The following RBFOX1 variants were observed in gnomAD, a reference collection of about 807,000 sequenced individuals.
RBFOX1 encodes RNA binding protein fox-1 homolog 1.
Under a neutral mutation model 57.7 loss-of-function variants are expected in RBFOX1, and 8 were observed. The ratio of observed to expected loss-of-function variants is 0.14; its 90% CI spans 0.08 to 0.25. RBFOX1 has a LOEUF of 0.25. Ranked by LOEUF, RBFOX1 falls within the 10% of genes least tolerant of loss-of-function variation. The pLI is 1.00. For missense variants in RBFOX1, 611 were observed against 548.5 expected (o/e 1.11, Z -1.14); for synonymous variants, 326 against 222.4 (o/e 1.47, Z -4.15).
chr16:6,613,213 C>T (rs2098092578), intron 2 of RBFOX1, among the ~76,000 whole-genome samples: 1 of 152,070 alleles, frequency 6.6e-6, no homozygotes, highest in Admixed American at 6.6e-5. Flanking sequence ...CAAGCAGCTC[C>T]CCCACTGTGC....
intron 3 of RBFOX1, chr16:7,004,042 C>G (rs931210925): frequency 1.4e-5 from 2 of 145,822 alleles, no homozygotes; most frequent in Admixed American, 1.4e-4. Context: ...TGCGTGCCAT[C>G]TTTGCACAGG....
intron 3 of RBFOX1, among the ~76,000 whole-genome samples, chr16:5,649,017 T>C (rs72633290): frequency 0.3 from 45,497 of 151,684 alleles, 7,991 homozygotes; most frequent in East Asian, 0.85. Flanking sequence ...TAAGTAGAGA[T>C]TGTGCCACTG....
At chr16:7,524,670 G>A (rs2078279668) in intron 5 of RBFOX1, among the ~76,000 whole-genome samples, 1 of 152,214 alleles carries the variant, frequency 6.6e-6, no homozygotes, top group Non-Finnish European at 1.5e-5. Flanking sequence ...TGAGCTGGAG[G>A]CTCTACTGAC....
At chr16:6,539,943 A>G (rs2096790197) in intron 2 of RBFOX1, among the ~76,000 whole-genome samples, 1 of 152,158 alleles carries the variant, frequency 6.6e-6, no homozygotes, top group Non-Finnish European at 1.5e-5. Flanking sequence ...GGTTTTCCCC[A>G]CAGATAGCCA....
intron 3 of RBFOX1, among the ~76,000 whole-genome samples, chr16:5,710,639 A>C (rs1053266290): frequency 3.3e-5 from 5 of 152,140 alleles, no homozygotes; most frequent in Admixed American, 1.3e-4. Flanking sequence ...GGATGTTTTA[A>C]AGAATTGCGT....
intron 1 of RBFOX1, among the ~76,000 whole-genome samples, chr16:6,309,158 T>C (rs984839064): frequency 1.3e-5 from 2 of 152,096 alleles, no homozygotes; most frequent in East Asian, 3.9e-4. Context: ...AGAAATAATA[T>C]AAACAAACCT....
chr16:7,294,775 ATG>A (rs1341125475), intron 4 of RBFOX1, among the ~76,000 whole-genome samples: 1 of 101,140 alleles, frequency 9.9e-6, no homozygotes, highest in African/African-American at 3.9e-5. Flanking sequence ...AATGATGAAT[ATG>A]ATGATGATGA....
chr16:5,761,133 T>A lies in RBFOX1; in HGVS notation c.319-106170T>A, dbSNP rs549589282. ...TCACAGAAAAGATGAAGGGGTAGTG[T>A]TTCAAGCAAAAGAAGAAATGCTTCT... is the stretch of plus-strand genomic sequence containing the variant. On this transcript the variant is annotated intron_variant, in intron 3 of 19. Transcript: ENST00000641259. Among the ~76,000 whole-genome samples, 11 of 152,202 alleles carry A rather than the reference T, an allele frequency of 7.2e-5. 1 individual carries two copies. The South Asian group carries it at 2.3e-3, about 32-fold the overall frequency.
At chr16:7,329,639 G>A (rs1033255981) in intron 4 of RBFOX1, among the ~76,000 whole-genome samples, 3 of 152,160 alleles carry the variant, frequency 2.0e-5, no homozygotes, top group East Asian at 1.9e-4. Flanking sequence ...CATAAGTACC[G>A]CAATCATACA....
At chr16:6,675,304 T>G (rs577209572) in intron 3 of RBFOX1, among the ~76,000 whole-genome samples, 1 of 152,288 alleles carries the variant, frequency 6.6e-6, no homozygotes, top group East Asian at 1.9e-4. Flanking sequence ...ATATCTGGCT[T>G]TAGGTATGCC....
intron 3 of RBFOX1, among the ~76,000 whole-genome samples, chr16:5,823,799 G>C (rs369103021): frequency 6.6e-6 from 1 of 152,148 alleles, no homozygotes. Context: ...CTGTCTAATT[G>C]CAGGAAAACA....
intron 14 of RBFOX1, among the ~76,000 whole-genome samples, chr16:7,679,691 G>A (rs1199331394): frequency 6.6e-6 from 1 of 151,948 alleles, no homozygotes; most frequent in Admixed American, 6.6e-5. Flanking sequence ...CCTCAGGACT[G>A]TCCAGAAGGT....
chr16:6,901,615 A>T (rs1211603184), intron 3 of RBFOX1, among the ~76,000 whole-genome samples: 1 of 152,198 alleles, frequency 6.6e-6, no homozygotes, highest in African/African-American at 2.4e-5. Context: ...AAAAATAGAC[A>T]TTTTTGCAAA....
intron 3 of RBFOX1, among the ~76,000 whole-genome samples, chr16:6,677,830 A>C (rs888435851): frequency 6.6e-6 from 1 of 152,186 alleles, no homozygotes; most frequent in Admixed American, 6.5e-5. Context: ...TGTATCTACC[A>C]GTGACTTTTA....
intron 3 of RBFOX1, among the ~76,000 whole-genome samples, chr16:6,688,189 A>G (rs543246125): frequency 6.6e-6 from 1 of 152,246 alleles, no homozygotes; most frequent in African/African-American, 2.4e-5. Flanking sequence ...GTGGAAAAAA[A>G]AAAAGAGAAG....
intron 3 of RBFOX1, among the ~76,000 whole-genome samples, chr16:5,749,273 C>T (rs1054962219): frequency 6.6e-6 from 1 of 152,126 alleles, no homozygotes; most frequent in East Asian, 1.9e-4. Flanking sequence ...TGTAACCCGA[C>T]CTTTCTCTCT....
intron 3 of RBFOX1, among the ~76,000 whole-genome samples, chr16:7,023,942 T>C (rs1439741919): frequency 1.3e-5 from 2 of 152,136 alleles, no homozygotes; most frequent in South Asian, 2.1e-4. Context: ...TTGATTCCCA[T>C]GAGGGCAATA....
intron 4 of RBFOX1, among the ~76,000 whole-genome samples, chr16:7,386,601 A>G (rs1444215965): frequency 6.6e-6 from 1 of 152,128 alleles, no homozygotes; most frequent in East Asian, 1.9e-4. Context: ...TATATGTGCC[A>G]CATTTTCTTT....
chr16:6,197,944 C>G (rs542155659), intron 1 of RBFOX1, among the ~76,000 whole-genome samples: 3 of 152,308 alleles, frequency 2.0e-5, no homozygotes, highest in South Asian at 4.1e-4. Context: ...ACGATGGCCT[C>G]TATCTACATC....
Sources: allele counts gnomAD v4.1 joint callset (sites outside exome capture counted in the v4.1 genomes callset), GRCh38; gene constraint gnomAD v4.1.1; transcripts MANE v1.5; gene names NCBI Gene and HGNC (gene_info 2026-07-23, HGNC 2026-07-21).